Variants in CC2D2B observed in about 807,000 individuals in gnomAD.
CC2D2B encodes protein CC2D2B.
In CC2D2B, 128 loss-of-function variants were observed where a neutral mutation model predicts 161.2. The ratio of observed to expected loss-of-function variants is 0.79; its 90% confidence interval spans 0.69 to 0.92. The LOEUF (loss-of-function observed/expected upper bound fraction) is 0.92. Among genes scored for constraint, CC2D2B ranks in the 40% least tolerant of loss-of-function variants. The probability of loss-of-function intolerance (pLI) is 0.00; values close to 1 mark genes in which losing one functional copy is unlikely to be tolerated. For synonymous variants in CC2D2B, 391 were observed against 449.8 expected (o/e 0.87, Z 1.65); for missense variants, 1,173 against 1,375.1 (o/e 0.85, Z 2.32).
intron 32 of CC2D2B, among the ~76,000 whole-genome samples, chr10:96,023,263 G>A (rs1283502415): frequency 6.6e-6 from 1 of 152,156 alleles, no homozygotes; most frequent in Non-Finnish European, 1.5e-5. Flanking sequence ...TCTTTCCTGT[G>A]GGCTCATGGC....
chr10:95,961,720 G>A, intron 11 of CC2D2B, 109 bp from the exon 12 acceptor site: 1 of 472,392 alleles, frequency 2.1e-6, no homozygotes, highest in East Asian at 3.5e-5. Flanking sequence ...AAAGAATAAG[G>A]TGGGGAGGGA....
At chr10:95,975,460 A>C (rs963588266) in intron 17 of CC2D2B, among the ~76,000 whole-genome samples, 1 of 152,212 alleles carries the variant, frequency 6.6e-6, no homozygotes, top group Non-Finnish European at 1.5e-5. Context: ...AAAAAATGCT[A>C]AAAAATAACA....
Position 95,992,572 on chromosome 10 carries a change from G to A in CC2D2B, c.2517G>A (p.Lys839=). 8.1e-7 allele frequency: 1 copy of A among 1,234,224 alleles called. No homozygotes were observed. The highest frequency in any genetic ancestry group is 1.5e-5 in the African/African-American group (1 of 64,584). The allele number at this position is 1,234,224 out of a possible 1,614,324, so 76.5% of individuals were successfully genotyped here. A position where few individuals can be genotyped will look rare whatever the true frequency, so the allele number is the denominator to read the frequency against. Residue 839 remains lysine, a synonymous_variant, in exon 22 of 35, where the codon AAG becomes AAA. Transcript: ENST00000646931. ...AVCKFVEPRR[K]LKPQRKERKK... ...GTAAGTTTGTTGAACCACGGAGAAA[G>A]TTAAAACCTCAGAGGAAAGAAAGGA...
intron 33 of CC2D2B, among the ~76,000 whole-genome samples, chr10:96,025,186 A>AT (rs1564684253): frequency 9.7e-5 from 4 of 41,360 alleles, no homozygotes; most frequent in Admixed American, 2.7e-4. Context: ...TATATATATA[A>AT]AAAAAAATAT....
At chr10:96,025,361 T>A (rs2079722857) in intron 33 of CC2D2B, among the ~76,000 whole-genome samples, 1 of 102,346 alleles carries the variant, frequency 9.8e-6, no homozygotes. Flanking sequence ...AGTGAGGCCT[T>A]GCAAAAAAAA....
At chr10:95,927,718 T>C (rs2098541992) in intron 6 of CC2D2B, among the ~76,000 whole-genome samples, 1 of 151,780 alleles carries the variant, frequency 6.6e-6, no homozygotes. Flanking sequence ...TTTTTTTTTT[T>C]TGTTCCTATC....
intron 11 of CC2D2B, among the ~76,000 whole-genome samples, chr10:95,959,835 C>G (rs1222129824): frequency 6.6e-6 from 1 of 152,016 alleles, no homozygotes; most frequent in Non-Finnish European, 1.5e-5. Context: ...TTTTTTAAAA[C>G]AGTATGTTAC....
intron 4 of CC2D2B, among the ~76,000 whole-genome samples, 169 bp downstream of exon 4, chr10:95,924,559 C>T (rs1311005826): frequency 6.6e-6 from 1 of 152,042 alleles, no homozygotes; most frequent in Non-Finnish European, 1.5e-5. Flanking sequence ...TGTCTCATAA[C>T]ATCCTTATAA....
chr10:96,030,543 C>T (rs564779282), intron 34 of CC2D2B, among the ~76,000 whole-genome samples: 2 of 152,174 alleles, frequency 1.3e-5, no homozygotes, highest in Non-Finnish European at 2.9e-5. Context: ...GATCTACAGG[C>T]ACTATTCACT....
intron 22 of CC2D2B, among the ~76,000 whole-genome samples, chr10:95,993,960 A>G (rs1418961929): frequency 1.1e-3 from 23 of 21,426 alleles, no homozygotes; most frequent in African/African-American, 4.0e-3. Context: ...GTGTATATAT[A>G]TATATATATA....
At chr10:95,927,469 C>T (rs2098541415) in intron 6 of CC2D2B, 137 bp downstream of exon 6, 2 of 617,270 alleles carry the variant, frequency 3.2e-6, no homozygotes, top group African/African-American at 3.7e-5. Context: ...AATTAAGAAG[C>T]TGTTCATAAT....
At chr10:96,021,448 G>A (rs1419611619) in intron 32 of CC2D2B, 1 of 152,246 alleles carries the variant, frequency 6.6e-6, no homozygotes, top group African/African-American at 2.4e-5. Context: ...CAATTTGACT[G>A]TCAGTGCATT....
At position 96,032,041 on chromosome 10, in the gene CC2D2B, A is replaced by G; in HGVS notation, c.*33A>G. 18 of 1,545,054 alleles carry G rather than the reference A, an allele frequency of 1.2e-5. No homozygotes were observed. The highest frequency in any genetic ancestry group is 1.5e-5 in the Non-Finnish European group (17 of 1,126,892). On this transcript the variant is annotated 3_prime_UTR_variant, in exon 35 of 35. Transcript: ENST00000646931. ...GCAGAGCAAAGTAAAAGATTGTACT[A>G]TAGTCCTCTAGTACCAACAAAAACT...
chr10:96,021,926 C>T (rs1356162027), intron 32 of CC2D2B, among the ~76,000 whole-genome samples: 2 of 152,194 alleles, frequency 1.3e-5, no homozygotes, highest in Non-Finnish European at 2.9e-5. Context: ...ACATTATTCT[C>T]TATGTTTGCC....
chr10:95,918,763 T>A (rs1435059584), intron 2 of CC2D2B, among the ~76,000 whole-genome samples: 1 of 152,114 alleles, frequency 6.6e-6, no homozygotes, highest in East Asian at 1.9e-4. Context: ...CTTTTGAGGC[T>A]TTTTTTCTAG....
chr10:95,951,946 A>G (rs2076415291), intron 10 of CC2D2B, among the ~76,000 whole-genome samples: 1 of 152,198 alleles, frequency 6.6e-6, no homozygotes, highest in African/African-American at 2.4e-5. Context: ...TCTAACTCCC[A>G]GTAAATTGTG....
At chr10:95,942,012 G>C (rs12769120) in intron 9 of CC2D2B, among the ~76,000 whole-genome samples, 20,481 of 152,124 alleles carry the variant, frequency 0.13, 1,468 homozygotes, top group Middle Eastern at 0.2. Context: ...CTTGTCATAT[G>C]CTAAAACATG....
chr10:95,972,280 C>T (rs546821104), intron 16 of CC2D2B, 64 bp downstream of exon 16: 2 of 1,023,440 alleles, frequency 2.0e-6, no homozygotes, highest in South Asian at 1.0e-4. Flanking sequence ...TCCTAAGTGA[C>T]CCTGGCTCAC....
chr10:95,996,301 A>G (rs960480279), intron 24 of CC2D2B, 49 bp downstream of exon 24: 18 of 830,940 alleles, frequency 2.2e-5, no homozygotes, highest in Non-Finnish European at 3.2e-5. Flanking sequence ...GAGCAATAAT[A>G]AAATTATTTT....
Sources: allele counts gnomAD v4.1 joint callset (sites outside exome capture counted in the v4.1 genomes callset), GRCh38; gene constraint gnomAD v4.1.1; transcripts MANE v1.5; gene names NCBI Gene and HGNC (gene_info 2026-07-23, HGNC 2026-07-21).